Variants in MTF2 observed in about 807,000 individuals in gnomAD.
The protein encoded by MTF2 is metal response element binding transcription factor 2.
Under a neutral mutation model 79.5 loss-of-function variants are expected in MTF2, and 11 were observed. The observed-to-expected ratio is 0.14, with a 90% CI of 0.09 to 0.23. The LOEUF (loss-of-function observed/expected upper bound fraction) is 0.23, where lower values mean the gene tolerates loss of function less well. Ranked by LOEUF, MTF2 falls within the 10% of genes least tolerant of loss-of-function variation. The pLI is 1.00. For synonymous variants in MTF2, 208 were observed against 232.8 expected (o/e 0.89, Z 0.97); for missense variants, 486 against 711.2 (o/e 0.68, Z 3.60).
intron 1 of MTF2, among the ~76,000 whole-genome samples, chr1:93,101,942 C>G (rs1420752055): frequency 6.6e-6 from 1 of 152,058 alleles, no homozygotes; most frequent in Non-Finnish European, 1.5e-5. Flanking sequence ...CTCCATAACA[C>G]TTTTTTACCT....
chr1:93,094,554 A>C (rs2101030740), intron 1 of MTF2, among the ~76,000 whole-genome samples: 1 of 152,282 alleles, frequency 6.6e-6, no homozygotes, highest in South Asian at 2.1e-4. Context: ...TTGTGGGAGA[A>C]ACCAGGTCAT....
At chr1:93,102,324 C>T (rs1655578100) in intron 1 of MTF2, among the ~76,000 whole-genome samples, 1 of 152,140 alleles carries the variant, frequency 6.6e-6, no homozygotes, top group African/African-American at 2.4e-5. Context: ...ATAGGCTGGG[C>T]GTGGTGGCTC....
rs945100344 is a variant in MTF2, at chr1:93,138,839, A to T, written c.*1812A>T. 1 of 152,078 alleles carries T rather than the reference A, an allele frequency of 6.6e-6. No individual in the cohort carries two copies. 9.4% of individuals were successfully genotyped at this position (152,078 alleles called of 1,614,324 possible). On this transcript the variant is annotated 3_prime_UTR_variant, in exon 15 of 15. Transcript: ENST00000370298. ...CACTCCACCTGTATCATATTATTTC[A>T]TTTTCCCCAAAGTCCTTTAATTCTA...
At chr1:93,093,148 C>T (rs1043252286) in intron 1 of MTF2, among the ~76,000 whole-genome samples, 4 of 151,090 alleles carry the variant, frequency 2.6e-5, no homozygotes, top group African/African-American at 9.8e-5. Context: ...CACCACTGCA[C>T]TCCAGTGTGG....
chr1:93,102,538 C>T (rs906095708), intron 1 of MTF2, among the ~76,000 whole-genome samples: 2 of 151,812 alleles, frequency 1.3e-5, no homozygotes, highest in African/African-American at 2.4e-5. Flanking sequence ...GCTGCAGTGA[C>T]CCATGATTGC....
chr1:93,080,777 T>G (rs973628197), intron 1 of MTF2, among the ~76,000 whole-genome samples: 4 of 152,028 alleles, frequency 2.6e-5, no homozygotes, highest in Non-Finnish European at 5.9e-5. Flanking sequence ...TTTTTTTTTT[T>G]TTTGTCAGTA....
chr1:93,101,609 T>G (rs1171886789), intron 1 of MTF2, among the ~76,000 whole-genome samples: 4 of 101,300 alleles, frequency 3.9e-5, no homozygotes, highest in African/African-American at 1.6e-4. Flanking sequence ...AGACAGGGTC[T>G]CCCTGTTACC....
chr1:93,110,777 T>C (rs41306163), intron 3 of MTF2, 151 bp downstream of exon 3: 16,917 of 662,370 alleles, frequency 0.026, 267 homozygotes, highest in Non-Finnish European at 0.034. Context: ...ATAGTCGTTA[T>C]TATAGACCAT....
At chr1:93,112,678 A>ATTT (rs1451097927) in intron 3 of MTF2, among the ~76,000 whole-genome samples, 13 of 152,236 alleles carry the variant, frequency 8.5e-5, no homozygotes, top group Non-Finnish European at 1.5e-4. Flanking sequence ...TTTAACAACA[A>ATTT]CAAAAAATTT....
At chr1:93,093,878 T>A (rs917385882) in intron 1 of MTF2, among the ~76,000 whole-genome samples, 1 of 152,184 alleles carries the variant, frequency 6.6e-6, no homozygotes, top group African/African-American at 2.4e-5. Context: ...CCAGCTTTAC[T>A]TACTCTTTTT....
rs150069988 is a variant in MTF2 at position 93,095,014 on chromosome 1, C to T, written c.6-15216C>T. Among the ~76,000 whole-genome samples, 55 of 152,074 alleles carry T rather than the reference C, an allele frequency of 3.6e-4. 1 individual carries two copies. Among genetic ancestry groups the T allele is most frequent in the African/African-American group, 1.3e-3 (54 of 41,468 alleles). Reference sequence around the variant, plus strand: ...GATAGGAGATGTGACTCGGGGGTTCCAAGTGTCTTTTTTTTCAGACATGGT... The same window carrying T: ...GATAGGAGATGTGACTCGGGGGTTCTAAGTGTCTTTTTTTTCAGACATGGT... On this transcript the variant is annotated intron_variant, in intron 1 of 14. Coordinates refer to ENST00000370298, the MANE Select transcript of MTF2 (RefSeq NM_007358.4).
intron 9 of MTF2, chr1:93,121,030 G>C (rs960811064): frequency 1.2e-5 from 12 of 1,031,470 alleles, no homozygotes; most frequent in Non-Finnish European, 1.4e-5. Flanking sequence ...TATAAACTTA[G>C]AGATATAACC....
chr1:93,084,122 T>C (rs1181926420), intron 1 of MTF2, among the ~76,000 whole-genome samples: 1 of 152,204 alleles, frequency 6.6e-6, no homozygotes, highest in Admixed American at 6.5e-5. Context: ...TAGTTTTAGC[T>C]TTTACATTTA....
chr1:93,091,458 A>C (rs1232256579), intron 1 of MTF2, among the ~76,000 whole-genome samples: 2 of 152,150 alleles, frequency 1.3e-5, no homozygotes, highest in African/African-American at 2.4e-5. Context: ...AGCCTCCCAA[A>C]GTGCTGGGAT....
At chr1:93,121,476 GCA>G in intron 9 of MTF2, 1 of 980,326 alleles carries the variant, frequency 1.0e-6, no homozygotes, top group Non-Finnish European at 1.2e-6. Context: ...TAAAAATTTT[GCA>G]CACTGATTTG....
At chr1:93,080,604 G>A (rs1011447932) in intron 1 of MTF2, among the ~76,000 whole-genome samples, 1 of 152,172 alleles carries the variant, frequency 6.6e-6, no homozygotes, top group Admixed American at 6.5e-5. Flanking sequence ...TCAGTACAGA[G>A]CTAGAAATAT....
intron 6 of MTF2, among the ~76,000 whole-genome samples, chr1:93,116,216 C>G (rs887868478): frequency 7.0e-6 from 1 of 142,596 alleles, no homozygotes; most frequent in African/African-American, 2.5e-5. Context: ...TGCCACTACA[C>G]CTGGCTAATT....
intron 1 of MTF2, among the ~76,000 whole-genome samples, chr1:93,094,942 C>A (rs1192940270): frequency 1.3e-5 from 2 of 152,172 alleles, no homozygotes; most frequent in Non-Finnish European, 2.9e-5. Context: ...TCCCTTGATT[C>A]AATTCCTTGA....
rs1656383748 is a variant in MTF2 at position 93,119,398 on chromosome 1, A to G, written c.794A>G (p.Gln265Arg). The G allele has an allele frequency of 6.3e-7, 1 of 1,599,718 alleles. No homozygotes were observed. Residue 265 changes from glutamine (Q) to arginine (R), a missense_variant, in exon 8 of 15, where the codon CAG becomes CGG. Gln to Arg is a conservative substitution (Grantham distance 43). This residue lies in a region of MTF2 where 177 missense variants were observed against 364.0 expected (regional missense o/e 0.49). Transcript: ENST00000370298. The stretch of plus-strand genomic sequence containing the variant: ...GAATACCTCAAACGTCTACCATTAC[A>G]GTGGTAAGTGTGGACCTTTCTGTTA... The part of the protein sequence containing the change: ...GPEYLKRLPL[Q>R]WVDIAHLCLY...
Sources: gnomAD v4.1 joint callset for allele counts (sites outside exome capture counted in the v4.1 genomes callset) on GRCh38, gnomAD v4.1.1 for gene constraint, gnomAD v4.1.1 regional missense constraint, MANE v1.5 for transcripts, NCBI Gene and HGNC (gene_info 2026-07-23, HGNC 2026-07-21) for gene names.